Variants in OLFML2A observed in about 807,000 individuals in gnomAD.
OLFML2A encodes olfactomedin-like protein 2A.
OLFML2A carries 47 observed loss-of-function variants against 60.9 expected under a neutral mutation model. That is an observed-to-expected ratio of 0.77 (90% CI 0.61 to 0.98). OLFML2A has a LOEUF of 0.98. Among genes scored for constraint, OLFML2A ranks in the 50% least tolerant of loss-of-function variants. The pLI, the probability that OLFML2A is intolerant of heterozygous loss-of-function variation, is 0.00. For missense variants in OLFML2A, 922 were observed against 879.8 expected, an observed-to-expected ratio of 1.05 and a Z score of -0.61; for synonymous variants, 372 against 375.0, an observed-to-expected ratio of 0.99 and a Z score of 0.09.
In OLFML2A at chr9:124,810,791, T is replaced by G; in HGVS notation, c.*379T>G. ...GCCCCATTTTAGGGATGAGGAGACT[T>G]CACCACGCCCTCCCCTCCCTGCCCT... On this transcript the variant is annotated 3_prime_UTR_variant, in exon 8 of 8. Transcript: ENST00000373580. 1 of 210,372 alleles carries G rather than the reference T, an allele frequency of 4.8e-6. No homozygotes were observed. The highest frequency in any genetic ancestry group is 9.4e-6 in the Non-Finnish European group (1 of 106,590). The allele number at this position is 210,372 out of a possible 1,614,324, so 13.0% of individuals were successfully genotyped here. A position where few individuals can be genotyped will look rare whatever the true frequency, so the allele number is the denominator to read the frequency against.
chr9:124,787,810 C>T (rs1371405872), intron 2 of OLFML2A, among the ~76,000 whole-genome samples: 1 of 151,754 alleles, frequency 6.6e-6, no homozygotes, highest in African/African-American at 2.4e-5. Flanking sequence ...CTGCCTGCCT[C>T]GGCCTCCCAA....
At chr9:124,787,958 C>T (rs1337522940) in intron 2 of OLFML2A, among the ~76,000 whole-genome samples, 1 of 152,070 alleles carries the variant, frequency 6.6e-6, no homozygotes, top group African/African-American at 2.4e-5. Context: ...CTTGCCCAAC[C>T]TCACATAATG....
chr9:124,795,134 A>G lies in OLFML2A; in HGVS notation c.462+3A>G, dbSNP rs1841645536. The G allele has an allele frequency of 1.3e-6, 2 of 1,567,202 alleles. No homozygotes were observed. The highest frequency in any genetic ancestry group is 8.7e-7 in the Non-Finnish European group (1 of 1,144,414). ...CCCAGATGAACACACTGGAAGAGGT[A>G]AGGGCGGGGCTGCCGCCAGAGGCCA... On this transcript the variant is annotated splice_donor_region_variant and intron_variant, in intron 3 of 7. Coordinates refer to ENST00000373580, the MANE Select transcript of OLFML2A (RefSeq NM_182487.4).
intron 7 of OLFML2A, among the ~76,000 whole-genome samples, chr9:124,809,022 C>T (rs887057089): frequency 4.0e-5 from 6 of 151,026 alleles, no homozygotes; most frequent in Non-Finnish European, 8.8e-5. Context: ...AAAAAATTAG[C>T]TGGGTGTGGT....
In OLFML2A at chr9:124,810,465, C is replaced by T; in HGVS notation, c.*53C>T. On this transcript the variant is annotated 3_prime_UTR_variant, in exon 8 of 8. Coordinates refer to ENST00000373580, the MANE Select transcript of OLFML2A (RefSeq NM_182487.4). ...GCAGCAGTGCGGGAGGGGCTTTGCA[C>T]AGCAGCTCCTGCAACTGACCCAGTC... is the stretch of plus-strand genomic sequence containing the variant. 1 of 1,512,284 alleles carries T rather than the reference C, an allele frequency of 6.6e-7. No homozygotes were observed. The highest frequency in any genetic ancestry group is 1.3e-5 in the South Asian group (1 of 79,300). The allele number at this position is 1,512,284 out of a possible 1,614,324, so 93.7% of individuals were successfully genotyped here.
intron 6 of OLFML2A, among the ~76,000 whole-genome samples, chr9:124,807,508 C>T (rs1282051954): frequency 6.6e-6 from 1 of 152,094 alleles, no homozygotes; most frequent in Non-Finnish European, 1.5e-5. Context: ...GTCTTGAACT[C>T]CTAACCTCAG....
At position 124,808,470 on chromosome 9, in the gene OLFML2A, G is replaced by A. The variant is rs536329832; in HGVS notation, c.1354+504G>A. 2.6e-5 allele frequency among the ~76,000 whole-genome samples: 4 copies of A among 152,274 alleles called. No homozygotes were observed. In the East Asian group the frequency reaches 7.7e-4, roughly 29 times the overall value. Reference sequence around the variant, plus strand: ...GCAGAATTCTGCTTATCAAACCTGGGGAATGATGCCAGGAAGGGGTCATTT... The same window carrying A: ...GCAGAATTCTGCTTATCAAACCTGGAGAATGATGCCAGGAAGGGGTCATTT... On this transcript the variant is annotated intron_variant, in intron 7 of 7. Coordinates refer to ENST00000373580, the MANE Select transcript of OLFML2A (RefSeq NM_182487.4).
chr9:124,805,921 T>G (rs1410545633), intron 6 of OLFML2A, among the ~76,000 whole-genome samples: 3 of 149,284 alleles, frequency 2.0e-5, no homozygotes, highest in African/African-American at 5.0e-5. Context: ...GCTCAAGAGA[T>G]TCTCCTGCCT....
In OLFML2A at chr9:124,810,273, G is replaced by C. The variant is rs1296166399; in HGVS notation, c.1820G>C (p.Gly607Ala). Reference sequence around the variant, plus strand: ...GCCTACGCTTTCGACACGCACACGGGCACCGACGCACGCCCCCAGCTGCCG... The same window carrying C: ...GCCTACGCTTTCGACACGCACACGGCCACCGACGCACGCCCCCAGCTGCCG... ...QVAYAFDTHT[G>A]TDARPQLPFL... The change falls in exon 8 of 8, where the codon GGC becomes GCC. Residue 607 changes from glycine to alanine, a missense_variant. Gly to Ala is a moderately conservative substitution (Grantham distance 60, BLOSUM62 0). Coordinates refer to ENST00000373580, the MANE Select transcript of OLFML2A (RefSeq NM_182487.4). 6.2e-7 allele frequency: 1 copy of C among 1,610,780 alleles called. No individual in the cohort carries two copies. The highest frequency in any genetic ancestry group is 1.7e-4 in the Middle Eastern group (1 of 6,060).
At chr9:124,802,324 C>G (rs1841794021) in intron 5 of OLFML2A, among the ~76,000 whole-genome samples, 2 of 152,216 alleles carry the variant, frequency 1.3e-5, no homozygotes, top group African/African-American at 2.4e-5. Context: ...GATGGCTGCT[C>G]TCTTCTGATG....
rs1236840689 is a variant in OLFML2A at position 124,801,092 on chromosome 9, G to C, written c.670-322G>C. ...CTGGGAAGGTGAGCAGGTGGAGGAG[G>C]CTGCCTCCCAGGGAGCTGGTCCTTC... On this transcript the variant is annotated intron_variant, in intron 4 of 7. Transcript: ENST00000373580. The C allele has an allele frequency of 4.5e-6, 7 of 1,541,276 alleles. No individual in the cohort carries two copies. The East Asian group carries it at 1.7e-4, about 38-fold the overall frequency.
intron 7 of OLFML2A, 37 bp downstream of exon 7, chr9:124,808,003 T>G (rs751116549): frequency 9.1e-6 from 14 of 1,540,662 alleles, no homozygotes; most frequent in Middle Eastern, 1.7e-4. Context: ...GGGCTGGGTA[T>G]GGACAACCTG....
intron 1 of OLFML2A, among the ~76,000 whole-genome samples, chr9:124,784,943 G>GTTTTTTTTGTTTTTTTTTTTTTTT (rs1841429970): frequency 2.9e-5 from 2 of 69,542 alleles, no homozygotes; most frequent in African/African-American, 1.3e-4. Flanking sequence ...CCTTTTACTT[G>GTTTTTTTTGTTTTTTTTTTTTTTT]TTTTTTTTTT....
Position 124,777,408 on chromosome 9 carries a change from G to C in OLFML2A, c.90+48G>C. 8.2e-7 allele frequency: 1 copy of C among 1,224,420 alleles called. No individual in the cohort carries two copies. Among genetic ancestry groups the C allele is most frequent in the Non-Finnish European group, 1.0e-6 (1 of 982,272 alleles). The allele number at this position is 1,224,420 out of a possible 1,614,324, so 75.8% of individuals were successfully genotyped here. On this transcript the variant is annotated intron_variant, in intron 1 of 7. Coordinates refer to ENST00000373580, the MANE Select transcript of OLFML2A (RefSeq NM_182487.4). This position sits in a 1 kb window ranked among gnomAD's most constrained non-coding sequence, Gnocchi z 6.2. ...CGCGGCTCGGCGGGTAGCGGGGCGC[G>C]AGGGGGCGCTGTGGCTGGGGTGCGG... is the stretch of plus-strand genomic sequence containing the variant.
chr9:124,781,580 G>A (rs1841361723), intron 1 of OLFML2A, among the ~76,000 whole-genome samples: 1 of 152,122 alleles, frequency 6.6e-6, no homozygotes, highest in South Asian at 2.1e-4. Context: ...GATCACCTGA[G>A]GTCAGGAGTT....
intron 1 of OLFML2A, among the ~76,000 whole-genome samples, chr9:124,784,925 A>G (rs1009816717): frequency 8.2e-6 from 1 of 122,374 alleles, no homozygotes; most frequent in Admixed American, 8.9e-5. Context: ...ATGAATCAGT[A>G]CTGCATTCCT....
intron 6 of OLFML2A, among the ~76,000 whole-genome samples, chr9:124,805,822 T>G (rs567725292): frequency 7.3e-6 from 1 of 137,058 alleles, no homozygotes; most frequent in Non-Finnish European, 1.6e-5. Flanking sequence ...TTTTTTTTTT[T>G]TTTTTTTTTT....
chr9:124,786,766 ACAC>A (rs1841480777), intron 1 of OLFML2A, among the ~76,000 whole-genome samples: 2 of 149,736 alleles, frequency 1.3e-5, no homozygotes, highest in Non-Finnish European at 3.0e-5. Context: ...ACACACACAC[ACAC>A]ACACACACAC....
chr9:124,789,830 A>G (rs1031662227), intron 2 of OLFML2A, among the ~76,000 whole-genome samples: 1 of 152,256 alleles, frequency 6.6e-6, no homozygotes, highest in African/African-American at 2.4e-5. Flanking sequence ...GCAAAGTGGC[A>G]TCTTGACAGC....
Sources: gnomAD v4.1 joint callset for allele counts (sites outside exome capture counted in the v4.1 genomes callset) on GRCh38, gnomAD v4.1.1 for gene constraint, Gnocchi (gnomAD v3.1) non-coding constraint, MANE v1.5 for transcripts, NCBI Gene and HGNC (gene_info 2026-07-23, HGNC 2026-07-21) for gene names.